Variants in CR1 observed in about 807,000 individuals in gnomAD.
CR1 encodes complement C3b/C4b receptor 1 (Knops blood group), also known as complement receptor type 1.
A neutral mutation model predicts 187.3 loss-of-function variants in CR1; 116 were observed. That is an observed-to-expected ratio of 0.62 (90% confidence interval 0.53 to 0.72). The LOEUF (loss-of-function observed/expected upper bound fraction) is 0.72, where lower values mean the gene tolerates loss of function less well. Among genes scored for constraint, CR1 ranks in the 30% least tolerant of loss-of-function variants. The probability of loss-of-function intolerance (pLI) is 0.00; values close to 1 mark genes in which losing one functional copy is unlikely to be tolerated. For synonymous variants in CR1, 576 were observed against 747.1 expected (o/e 0.77, Z 3.73); for missense variants, 1,731 against 2,110.7 (o/e 0.82, Z 3.52).
Position 207,623,062 on chromosome 1 carries a change from G to C in CR1, c.7346G>C (p.Arg2449Thr). 1 of 1,572,792 alleles carries C rather than the reference G, an allele frequency of 6.4e-7. No individual in the cohort carries two copies. ...IFLSWIILKH[R>T]KGNNAHENPK... ...CTCTCTTGGATAATTCTAAAGCACA[G>C]AAAAGGGTAAGTATAGCCATATTAT... The change falls in exon 45 of 47, where the codon AGA (arginine) becomes ACA (threonine). Residue 2449 changes from arginine (R) to threonine (T), a missense_variant. Around this residue, in one of 5 missense-constraint regions of CR1, gnomAD observed 1,312 missense variants for 1,379.6 expected, o/e 0.95. Transcript: ENST00000367049.
chr1:207,506,642 T>G, intron 2 of CR1, 72 bp from the exon 3 acceptor site: 4 of 1,249,034 alleles, frequency 3.2e-6, no homozygotes, highest in African/African-American at 1.5e-5. Context: ...ACAGGCAGGT[T>G]GAGACCTTAT....
chr1:207,568,156 G>C (rs1457690838), intron 25 of CR1, 114 bp downstream of exon 25: 9 of 1,573,272 alleles, frequency 5.7e-6, no homozygotes, highest in Non-Finnish European at 7.8e-6. Flanking sequence ...TGCCACAATG[G>C]AATGCCAAAC....
chr1:207,632,471 A>G (rs1035092527), intron 46 of CR1, among the ~76,000 whole-genome samples: 3 of 152,252 alleles, frequency 2.0e-5, no homozygotes, highest in African/African-American at 7.2e-5. Flanking sequence ...GGAAAAGACA[A>G]ATAAATAATG....
chr1:207,567,991 C>A lies in CR1; in HGVS notation c.4120C>A (p.Pro1374Thr). 2 of 1,610,498 alleles carry A rather than the reference C, an allele frequency of 1.2e-6. No individual in the cohort carries two copies. Among genetic ancestry groups the A allele is most frequent in the South Asian group, 2.2e-5 (2 of 91,042 alleles). Residue 1374 changes from proline to threonine, a missense_variant, in exon 25 of 47, where the codon CCT becomes ACT. Around this residue, in one of 5 missense-constraint regions of CR1, gnomAD observed 1,312 missense variants for 1,379.6 expected, o/e 0.95. Coordinates refer to ENST00000367049, the MANE Select transcript of CR1 (RefSeq NM_000651.6). ...GAGCACCATCCGCTGCACAAGTGAC[C>A]CTCAAGGGAATGGGGTTTGGAGCAG... ...GESTIRCTSD[P>T]QGNGVWSSPA...
At chr1:207,580,191 G>A in intron 29 of CR1, 49 bp from the exon 30 acceptor site, 1 of 1,598,998 alleles carries the variant, frequency 6.3e-7, no homozygotes, top group Non-Finnish European at 8.5e-7. Context: ...AGGAAGCATA[G>A]GAAATTCCCC....
chr1:207,603,937 G>GAGATT (rs1661677883), intron 35 of CR1, among the ~76,000 whole-genome samples: 1 of 152,162 alleles, frequency 6.6e-6, no homozygotes, highest in African/African-American at 2.4e-5. Flanking sequence ...GACAAGATTT[G>GAGATT]CAGATTTGAG....
At chr1:207,587,631 G>T in intron 34 of CR1, 66 bp downstream of exon 34, 2 of 1,486,694 alleles carry the variant, frequency 1.3e-6, no homozygotes, top group Non-Finnish European at 1.8e-6. Context: ...GGGCTTGGTG[G>T]CTCACGCCTG....
chr1:207,632,454 T>C (rs1662672672), intron 46 of CR1, among the ~76,000 whole-genome samples: 1 of 152,140 alleles, frequency 6.6e-6, no homozygotes, highest in Non-Finnish European at 1.5e-5. Context: ...AACACATTTA[T>C]AAGGGAGGAA....
In CR1 at chr1:207,522,975, A is replaced by T. The variant is rs183725676; in HGVS notation, c.488-636A>T. Among the ~76,000 whole-genome samples, 138 of 152,270 alleles carry T rather than the reference A, an allele frequency of 9.1e-4. 1 individual carries two copies. The highest frequency in any genetic ancestry group is 6.5e-4 in the Non-Finnish European group (44 of 68,008). ...TATCATCTTATGATATCAAACTTAGATTTGATGAAATGAGTTGGTAAGCTT... is the reference window on the plus strand; with the variant it reads ...TATCATCTTATGATATCAAACTTAGTTTTGATGAAATGAGTTGGTAAGCTT... On this transcript the variant is annotated intron_variant, in intron 4 of 46. Coordinates refer to ENST00000367049, the MANE Select transcript of CR1 (RefSeq NM_000651.6).
rs766965331 is a variant in CR1, at chr1:207,623,041, C to A, written c.7325C>A (p.Ser2442Tyr). Residue 2442 changes from serine (S) to tyrosine (Y), a missense_variant, in exon 45 of 47, where the codon TCT becomes TAT. Coordinates refer to ENST00000367049, the MANE Select transcript of CR1 (RefSeq NM_000651.6). Reference sequence around the variant, plus strand: ...TTTATTTTACTCATCATTTTCCTCTCTTGGATAATTCTAAAGCACAGAAAA... The same window carrying A: ...TTTATTTTACTCATCATTTTCCTCTATTGGATAATTCTAAAGCACAGAAAA... The part of the protein sequence containing the change: ...IFFILLIIFL[S>Y]WIILKHRKGN... 2.5e-6 allele frequency: 4 copies of A among 1,581,054 alleles called. No individual in the cohort carries two copies. The South Asian group carries it at 3.5e-5, about 14-fold the overall frequency.
chr1:207,591,132 C>T lies in CR1; in HGVS notation c.5810+2358C>T, dbSNP rs181848542. On this transcript the variant is annotated intron_variant, in intron 35 of 46. Transcript: ENST00000367049. The stretch of plus-strand genomic sequence containing the variant: ...TAGACATCTATAGAACTCTCCACCC[C>T]AAATCAGCAGAATATACATTCTTCT... 1.2e-3 allele frequency among the ~76,000 whole-genome samples: 180 copies of T among 152,258 alleles called. 1 individual carries two copies. The highest frequency in any genetic ancestry group is 2.3e-3 in the Non-Finnish European group (154 of 68,004).
In CR1 at chr1:207,615,014, G is replaced by T. The variant is rs56377846; in HGVS notation, c.6661+525G>T. On this transcript the variant is annotated intron_variant, in intron 40 of 46. Coordinates refer to ENST00000367049, the MANE Select transcript of CR1 (RefSeq NM_000651.6). Reference sequence around the variant, plus strand: ...TGTAGAGATAGAATCTCGCCATATTGCCCCAGCTGGTCTCAAACTCCTGGG... The same window carrying T: ...TGTAGAGATAGAATCTCGCCATATTTCCCCAGCTGGTCTCAAACTCCTGGG... 6.7e-3 allele frequency among the ~76,000 whole-genome samples: 1,026 copies of T among 152,076 alleles called. 15 individuals are homozygous for T. Among genetic ancestry groups the T allele is most frequent in the African/African-American group, 0.024 (979 of 41,468 alleles).
In CR1 at chr1:207,611,743, C is replaced by T; in HGVS notation, c.6362C>T (p.Pro2121Leu). 4 of 1,613,982 alleles carry T rather than the reference C, an allele frequency of 2.5e-6. No individual in the cohort carries two copies. The highest frequency in any genetic ancestry group is 3.4e-6 in the Non-Finnish European group (4 of 1,179,898). ...HTLSHQDNFS[P>L]GQEVFYSCEP... Reference sequence around the variant, plus strand: ...CTAAGCCATCAGGACAACTTTTCACCTGGGCAGGAAGTGTTCTACAGCTGT... The same window carrying T: ...CTAAGCCATCAGGACAACTTTTCACTTGGGCAGGAAGTGTTCTACAGCTGT... Residue 2121 changes from proline to leucine, a missense_variant, in exon 38 of 47, where the codon CCT (proline) becomes CTT (leucine). Transcript: ENST00000367049.
intron 4 of CR1, among the ~76,000 whole-genome samples, chr1:207,519,990 C>T (rs1455860416): frequency 5.9e-5 from 9 of 152,150 alleles, no homozygotes; most frequent in Admixed American, 5.2e-4. Flanking sequence ...GCTTAAACTA[C>T]GTAAGGCTTT....
chr1:207,505,079 C>T (rs752578119), intron 1 of CR1, among the ~76,000 whole-genome samples: 9 of 152,176 alleles, frequency 5.9e-5, no homozygotes, highest in Non-Finnish European at 1.2e-4. Context: ...CCTCCATTCA[C>T]GGAAAAATTG....
intron 32 of CR1, among the ~76,000 whole-genome samples, chr1:207,584,196 A>C (rs1228898411): frequency 6.6e-6 from 1 of 152,190 alleles, no homozygotes; most frequent in Non-Finnish European, 1.5e-5. Flanking sequence ...TACAAATAAT[A>C]AATGTATAAT....
At chr1:207,619,103 C>A (rs1329456414) in intron 42 of CR1, among the ~76,000 whole-genome samples, 1 of 149,788 alleles carries the variant, frequency 6.7e-6, no homozygotes, top group African/African-American at 2.5e-5. Flanking sequence ...TAAATTCAGG[C>A]TGGGCACGGT....
intron 4 of CR1, among the ~76,000 whole-genome samples, chr1:207,513,849 GA>G (rs1659704669): frequency 6.7e-6 from 1 of 149,306 alleles, no homozygotes; most frequent in Non-Finnish European, 1.5e-5. Context: ...CGCTGGCTAG[GA>G]CCACCAGTAT....
chr1:207,631,535 T>C (rs1662646587), intron 46 of CR1, among the ~76,000 whole-genome samples: 1 of 152,210 alleles, frequency 6.6e-6, no homozygotes, highest in African/African-American at 2.4e-5. Flanking sequence ...TCTCACTGGC[T>C]AGTTCCCCTT....
Sources: gnomAD v4.1 joint callset for allele counts (sites outside exome capture counted in the v4.1 genomes callset) on GRCh38, gnomAD v4.1.1 for gene constraint, gnomAD v4.1.1 regional missense constraint, MANE v1.5 for transcripts, NCBI Gene and HGNC (gene_info 2026-07-23, HGNC 2026-07-21) for gene names.